NPAS3: variants seen among roughly 807,000 people sequenced by gnomAD.
The protein encoded by NPAS3 is neuronal PAS domain protein 3.
NPAS3 carries 14 observed loss-of-function variants against 73.1 expected under a neutral mutation model. That is an observed-to-expected ratio of 0.19 (90% CI 0.13 to 0.30). The LOEUF is 0.30. NPAS3 is among the 10% of genes least tolerant of loss of function. NPAS3 has a pLI of 1.00. For missense variants in NPAS3, 1,096 were observed against 1,250.0 expected, an observed-to-expected ratio of 0.88 and a Z score of 1.86; for synonymous variants, 620 against 541.5, an observed-to-expected ratio of 1.14 and a Z score of -2.01.
intron 2 of NPAS3, among the ~76,000 whole-genome samples, chr14:33,088,437 T>C (rs1305964687): frequency 6.6e-6 from 1 of 152,224 alleles, no homozygotes; most frequent in Non-Finnish European, 1.5e-5. Context: ...GCCTCGCTTA[T>C]TGCTGGCACA....
chr14:33,207,021 C>T (rs1403859067), intron 2 of NPAS3, among the ~76,000 whole-genome samples: 2 of 152,152 alleles, frequency 1.3e-5, no homozygotes, highest in African/African-American at 4.8e-5. Flanking sequence ...AAGCCTTTAT[C>T]CCATGTCGGG....
At chr14:33,739,597 A>C (rs2061606279) in intron 7 of NPAS3, among the ~76,000 whole-genome samples, 1 of 152,160 alleles carries the variant, frequency 6.6e-6, no homozygotes, top group African/African-American at 2.4e-5. Context: ...TGCTCTGTGG[A>C]ATAAGGTGCA....
intron 4 of NPAS3, among the ~76,000 whole-genome samples, chr14:33,395,060 A>G (rs2047163365): frequency 6.6e-6 from 1 of 152,166 alleles, no homozygotes; most frequent in South Asian, 2.1e-4. Context: ...TTGTAGCAAA[A>G]GTATGTAATA....
At chr14:33,090,338 G>C (rs1440044184) in intron 2 of NPAS3, among the ~76,000 whole-genome samples, 2 of 152,054 alleles carry the variant, frequency 1.3e-5, no homozygotes, top group African/African-American at 2.4e-5. Context: ...AGAAGGCAGG[G>C]GTTGCAATCC....
chr14:32,985,911 G>A (rs573180107), intron 1 of NPAS3, among the ~76,000 whole-genome samples: 1 of 152,192 alleles, frequency 6.6e-6, no homozygotes, highest in Non-Finnish European at 1.5e-5. Context: ...TGAGTGAGTC[G>A]TTAGTCATAA....
At chr14:33,392,969 G>C (rs2047071880) in intron 4 of NPAS3, among the ~76,000 whole-genome samples, 1 of 152,084 alleles carries the variant, frequency 6.6e-6, no homozygotes, top group Non-Finnish European at 1.5e-5. Context: ...GTTTGCTGGG[G>C]TGAGCTCTTC....
At chr14:33,636,412 A>C (rs1450734739) in intron 5 of NPAS3, among the ~76,000 whole-genome samples, 6 of 152,164 alleles carry the variant, frequency 3.9e-5, no homozygotes, top group African/African-American at 1.4e-4. Context: ...ATGCACAGCT[A>C]TAGCGGTTTT....
chr14:33,669,134 A>ATCTT (rs34666889), intron 5 of NPAS3, among the ~76,000 whole-genome samples: 75,176 of 151,706 alleles, frequency 0.5, 19,467 homozygotes, highest in Non-Finnish European at 0.58. Flanking sequence ...TGAAAGTGAC[A>ATCTT]TCTTTCTTAC....
chr14:33,572,419 G>A (rs1417311080), intron 5 of NPAS3, among the ~76,000 whole-genome samples: 5 of 152,164 alleles, frequency 3.3e-5, no homozygotes, highest in Admixed American at 3.3e-4. Flanking sequence ...CTCTGTGCCA[G>A]GCACTGTTCT....
At position 33,704,217 on chromosome 14, in the gene NPAS3, G is replaced by T. The variant is rs535702943; in HGVS notation, c.733+27832G>T. Among the ~76,000 whole-genome samples, 3 of 152,260 alleles carry T rather than the reference G, an allele frequency of 2.0e-5. No individual in the cohort carries two copies. In the South Asian group the frequency reaches 6.2e-4, roughly 32 times the overall value. On this transcript the variant is annotated intron_variant, in intron 6 of 11. Coordinates refer to ENST00000356141, the Ensembl canonical transcript of NPAS3. ...AAGTCATGTGATAACAAATTAGATG[G>T]CTAATATGAGTTATGAAAGTGTGTG...
intron 3 of NPAS3, among the ~76,000 whole-genome samples, chr14:33,224,333 T>A (rs1230419200): frequency 3.3e-5 from 5 of 152,210 alleles, no homozygotes; most frequent in Admixed American, 6.5e-5. Context: ...ATTGAAATTG[T>A]ACTGTGGCTT....
intron 4 of NPAS3, among the ~76,000 whole-genome samples, chr14:33,419,698 G>A (rs116750196): frequency 0.011 from 1,675 of 151,988 alleles, 29 homozygotes; most frequent in African/African-American, 0.038. Context: ...TGGATAATTA[G>A]TGTTTCTATC....
intron 2 of NPAS3, among the ~76,000 whole-genome samples, chr14:33,120,106 A>G (rs1270178432): frequency 6.6e-6 from 1 of 151,738 alleles, no homozygotes; most frequent in Non-Finnish European, 1.5e-5. Flanking sequence ...GATTATAGGC[A>G]CCCGCCACCA....
At chr14:33,085,056 A>G (rs1566543636) in intron 2 of NPAS3, among the ~76,000 whole-genome samples, 1 of 152,198 alleles carries the variant, frequency 6.6e-6, no homozygotes, top group South Asian at 2.1e-4. Flanking sequence ...CTTTCTTAGC[A>G]TTATAAAAAG....
chr14:33,223,522 G>A (rs115014853), intron 3 of NPAS3, among the ~76,000 whole-genome samples: 219 of 152,216 alleles, frequency 1.4e-3, no homozygotes, highest in African/African-American at 5.1e-3. Flanking sequence ...CCATGTGACT[G>A]GTGTCATAAA....
At chr14:33,628,921 G>A (rs912858664) in intron 5 of NPAS3, among the ~76,000 whole-genome samples, 3 of 152,200 alleles carry the variant, frequency 2.0e-5, no homozygotes, top group Non-Finnish European at 4.4e-5. Context: ...AACATCCAAT[G>A]CATAGTTGAT....
intron 3 of NPAS3, among the ~76,000 whole-genome samples, chr14:33,338,649 T>C (rs2140302691): frequency 6.6e-6 from 1 of 152,332 alleles, no homozygotes; most frequent in African/African-American, 2.4e-5. Context: ...AGTAAGATAA[T>C]TCTTATACTG....
intron 4 of NPAS3, among the ~76,000 whole-genome samples, chr14:33,411,817 T>C (rs190324091): frequency 3.6e-4 from 55 of 152,308 alleles, no homozygotes; most frequent in Non-Finnish European, 6.6e-4. Context: ...CTAACCATTC[T>C]TTCAAGCTCA....
intron 4 of NPAS3, among the ~76,000 whole-genome samples, chr14:33,474,327 T>C (rs1657974982): frequency 6.6e-6 from 1 of 152,190 alleles, no homozygotes; most frequent in Non-Finnish European, 1.5e-5. Flanking sequence ...ATGATCATTA[T>C]AAAGAAATAT....
Sources: gnomAD v4.1 joint callset for allele counts (sites outside exome capture counted in the v4.1 genomes callset) on GRCh38, gnomAD v4.1.1 for gene constraint, MANE v1.5 for transcripts, NCBI Gene and HGNC (gene_info 2026-07-23, HGNC 2026-07-21) for gene names.